KLHL4: variants seen among roughly 807,000 people sequenced by gnomAD.
The protein encoded by KLHL4 is kelch-like protein 4.
A neutral mutation model predicts 45.8 loss-of-function variants in KLHL4; 17 were observed. The observed-to-expected ratio is 0.37, with a 90% CI of 0.25 to 0.56. The LOEUF is 0.56. Among genes scored for constraint, KLHL4 ranks in the 20% least tolerant of loss-of-function variants. The pLI is 0.79. For synonymous variants in KLHL4, 224 were observed against 189.9 expected (o/e 1.18, Z -1.47); for missense variants, 544 against 544.9 (o/e 1.00, Z 0.02).
intron 1 of KLHL4, among the ~76,000 whole-genome samples, chrX:87,595,860 C>T (rs1185586032): frequency 9.0e-6 from 1 of 111,207 alleles, no homozygotes. Context: ...AACTTTAATG[C>T]ATATGACATA....
chrX:87,549,161 A>C (rs1371629870), intron 1 of KLHL4, among the ~76,000 whole-genome samples: 2 of 110,996 alleles, frequency 1.8e-5, no homozygotes, highest in Non-Finnish European at 3.8e-5. Flanking sequence ...TACAGAAACT[A>C]TAAGAAGAAA....
chrX:87,579,032 G>A (rs1180962220), intron 1 of KLHL4, among the ~76,000 whole-genome samples: 1 of 111,215 alleles, frequency 9.0e-6, no homozygotes, highest in Non-Finnish European at 1.9e-5. Flanking sequence ...AGTTTAGTAG[G>A]GGCAGCTAAG....
intron 1 of KLHL4, among the ~76,000 whole-genome samples, chrX:87,539,815 T>C (rs773042326): frequency 9.0e-6 from 1 of 111,379 alleles, no homozygotes; most frequent in East Asian, 2.8e-4. Context: ...CTTATCTCCA[T>C]CTATGAAGAG....
intron 1 of KLHL4, among the ~76,000 whole-genome samples, chrX:87,523,002 T>C (rs1398735906): frequency 8.9e-6 from 1 of 112,003 alleles, no homozygotes; most frequent in Admixed American, 9.5e-5. Context: ...TGGAGACATA[T>C]TCTTTTATGA....
chrX:87,522,537 A>G (rs1384542375), intron 1 of KLHL4, among the ~76,000 whole-genome samples: 1 of 111,657 alleles, frequency 9.0e-6, no homozygotes, highest in African/African-American at 3.3e-5. Context: ...AGGTGAAAAT[A>G]GTGTGATTTT....
intron 1 of KLHL4, among the ~76,000 whole-genome samples, chrX:87,603,812 A>G (rs1390598316): frequency 2.7e-5 from 3 of 110,290 alleles, no homozygotes; most frequent in African/African-American, 9.9e-5. Flanking sequence ...CTACTGTGCA[A>G]TGAAATATCA....
intron 9 of KLHL4, among the ~76,000 whole-genome samples, chrX:87,664,247 A>T (rs1924291681): frequency 8.9e-6 from 1 of 111,973 alleles, no homozygotes; most frequent in African/African-American, 3.2e-5. Context: ...AGGGAAAAAC[A>T]CAGGATAAGT....
chrX:87,662,047 T>G (rs920149104), intron 9 of KLHL4, among the ~76,000 whole-genome samples: 2 of 111,947 alleles, frequency 1.8e-5, no homozygotes, highest in East Asian at 2.8e-4. Context: ...TGAGTATGGT[T>G]GTTTTATTTT....
At chrX:87,652,318 A>C (rs1408870454) in intron 9 of KLHL4, among the ~76,000 whole-genome samples, 1 of 112,553 alleles carries the variant, frequency 8.9e-6, no homozygotes. Context: ...TCATTACTTA[A>C]GCAAATTTCT....
At chrX:87,612,898 A>C (rs985466262) in intron 1 of KLHL4, among the ~76,000 whole-genome samples, 1 of 111,569 alleles carries the variant, frequency 9.0e-6, no homozygotes, top group Admixed American at 9.6e-5. Context: ...GTGCCAAGAA[A>C]TTGTTCTTTT....
intron 1 of KLHL4, among the ~76,000 whole-genome samples, chrX:87,538,935 A>G (rs1300345704): frequency 2.7e-5 from 3 of 111,677 alleles, no homozygotes; most frequent in Admixed American, 9.6e-5. Context: ...ATTCAGGAAC[A>G]TAGACTTGGC....
chrX:87,532,596 CTCTTT>C (rs1220784589), intron 1 of KLHL4, among the ~76,000 whole-genome samples: 1 of 102,462 alleles, frequency 9.8e-6, no homozygotes. Flanking sequence ...TGTTTGTATC[CTCTTT>C]TATTTCCTTG....
chrX:87,582,474 G>A (rs190609040), intron 1 of KLHL4, among the ~76,000 whole-genome samples: 20 of 111,648 alleles, frequency 1.8e-4, no homozygotes, highest in South Asian at 7.5e-4. Flanking sequence ...GCTGATGGCC[G>A]TTCAGAAAGG....
intron 1 of KLHL4, among the ~76,000 whole-genome samples, chrX:87,551,232 T>A (rs1192529337): frequency 9.2e-6 from 1 of 108,154 alleles, no homozygotes; most frequent in Non-Finnish European, 1.9e-5. Flanking sequence ...AAGCAGAGAA[T>A]CAAATCAATA....
At chrX:87,537,315 G>A (rs981115079) in intron 1 of KLHL4, among the ~76,000 whole-genome samples, 1 of 111,263 alleles carries the variant, frequency 9.0e-6, no homozygotes, top group Admixed American at 9.6e-5. Context: ...AAATCAAGAA[G>A]ATGTAATAAA....
At chrX:87,541,350 T>C (rs1476397833) in intron 1 of KLHL4, among the ~76,000 whole-genome samples, 1 of 107,555 alleles carries the variant, frequency 9.3e-6, no homozygotes, top group Non-Finnish European at 1.9e-5. Flanking sequence ...CTGGGTGTGG[T>C]GGTGCACACC....
Position 87,656,386 on chromosome X carries a change from A to AT in KLHL4, c.1926-8369dup, listed in dbSNP as rs1181346135. Among the ~76,000 whole-genome samples, 95 of 106,183 alleles carry AT rather than the reference A, an allele frequency of 8.9e-4. 1 individual carries two copies. The highest frequency in any genetic ancestry group is 2.7e-3 in the East Asian group (9 of 3,310). The allele number at this position is 106,183 out of a possible 115,157, so 92.2% of individuals were successfully genotyped here. A position where few individuals can be genotyped will look rare whatever the true frequency, so the allele number is the denominator to read the frequency against. ...AAATCTTAGCTCACTTTTTAATTCT[A>AT]TTTTTTTTTGTTTTTGTCTGACTGG... On this transcript the variant is annotated intron_variant, in intron 9 of 10. Coordinates refer to ENST00000373119, the MANE Select transcript of KLHL4 (RefSeq NM_019117.5).
At position 87,519,426 on chromosome X, in the gene KLHL4, C is replaced by G. The variant is rs200555831; in HGVS notation, c.422+1111C>G. 9.8e-5 allele frequency among the ~76,000 whole-genome samples: 11 copies of G among 111,802 alleles called. No homozygotes were observed. The East Asian group carries it at 3.1e-3, about 31-fold the overall frequency. ...GTGTCTTGCTTTCATAAATTCAAAA[C>G]AGTTTATCAGAAGAAGAAGCAGCCT... On this transcript the variant is annotated intron_variant, in intron 1 of 10. Transcript: ENST00000373119.
intron 1 of KLHL4, among the ~76,000 whole-genome samples, chrX:87,595,822 C>A (rs184298264): frequency 3.6e-5 from 4 of 110,842 alleles, no homozygotes; most frequent in Non-Finnish European, 7.5e-5. Flanking sequence ...TATAATAATG[C>A]GAGCTAATAA....
Sources: gnomAD v4.1 joint callset for allele counts (sites outside exome capture counted in the v4.1 genomes callset) on GRCh38, gnomAD v4.1.1 for gene constraint, MANE v1.5 for transcripts, NCBI Gene and HGNC (gene_info 2026-07-23, HGNC 2026-07-21) for gene names.